The following RABGAP1 variants were observed in gnomAD, a reference collection of about 807,000 sequenced individuals.
RABGAP1 encodes the protein rab GTPase-activating protein 1.
A neutral mutation model predicts 137.6 loss-of-function variants in RABGAP1; 23 were observed. That is an observed-to-expected ratio of 0.17 (90% CI 0.12 to 0.24). The LOEUF (loss-of-function observed/expected upper bound fraction) is 0.24. RABGAP1 is among the 10% of genes least tolerant of loss of function. The probability of loss-of-function intolerance (pLI) is 1.00; values close to 1 mark genes in which losing one functional copy is unlikely to be tolerated. For missense variants in RABGAP1, 906 were observed against 1,275.8 expected (o/e 0.71, Z 4.42); for synonymous variants, 451 against 450.7 (o/e 1.00, Z -0.01).
chr9:123,038,198 T>G (rs2032768820), intron 13 of RABGAP1, among the ~76,000 whole-genome samples: 1 of 152,156 alleles, frequency 6.6e-6, no homozygotes, highest in Non-Finnish European at 1.5e-5. Flanking sequence ...GACACTAGAT[T>G]GGATATTTGC....
intron 19 of RABGAP1, among the ~76,000 whole-genome samples, chr9:123,087,168 G>A (rs536299903): frequency 6.6e-6 from 1 of 152,196 alleles, no homozygotes; most frequent in South Asian, 2.1e-4. Context: ...TTACTATGAG[G>A]GTGAGGCAGC....
intron 19 of RABGAP1, among the ~76,000 whole-genome samples, chr9:123,079,071 T>G (rs895778829): frequency 2.6e-5 from 4 of 152,194 alleles, no homozygotes; most frequent in African/African-American, 7.2e-5. Flanking sequence ...TTTTCCTCAC[T>G]GAGATATTGT....
intron 12 of RABGAP1, among the ~76,000 whole-genome samples, chr9:123,019,706 G>GTTTA (rs1564137313): frequency 6.9e-6 from 1 of 145,396 alleles, no homozygotes; most frequent in African/African-American, 2.6e-5. Context: ...TTGTTTGTTT[G>GTTTA]TTTTGAGACA....
chr9:122,998,155 A>G (rs1230436797), intron 9 of RABGAP1, among the ~76,000 whole-genome samples: 2 of 152,110 alleles, frequency 1.3e-5, no homozygotes, highest in African/African-American at 4.8e-5. Flanking sequence ...GCTGGAATGC[A>G]GTGGCACAAT....
intron 13 of RABGAP1, chr9:123,035,629 A>T (rs780057213): frequency 6.8e-7 from 1 of 1,468,818 alleles, no homozygotes; most frequent in South Asian, 1.2e-5. Context: ...TGGCTCAGTT[A>T]CGGGGTTCCC....
At chr9:123,102,089 G>A (rs2035362658) in intron 25 of RABGAP1, among the ~76,000 whole-genome samples, 1 of 152,148 alleles carries the variant, frequency 6.6e-6, no homozygotes, top group South Asian at 2.1e-4. Flanking sequence ...TACATCTCAG[G>A]TTCCTTATCT....
At chr9:122,962,846 T>G (rs1422636532) in intron 2 of RABGAP1, among the ~76,000 whole-genome samples, 1 of 152,190 alleles carries the variant, frequency 6.6e-6, no homozygotes, top group East Asian at 1.9e-4. Context: ...AGATATACTT[T>G]AGGTTTAGAG....
intron 2 of RABGAP1, among the ~76,000 whole-genome samples, chr9:122,978,719 T>C (rs1048154009): frequency 2.6e-5 from 4 of 152,200 alleles, no homozygotes; most frequent in African/African-American, 7.2e-5. Flanking sequence ...GTGAGTCATA[T>C]GGTAAGTGTA....
At chr9:122,986,488 C>T in intron 4 of RABGAP1, 69 bp downstream of exon 4, 1 of 1,469,832 alleles carries the variant, frequency 6.8e-7, no homozygotes, top group Non-Finnish European at 9.4e-7. Flanking sequence ...CAGAAAGAAG[C>T]AATAGTGAAT....
intron 2 of RABGAP1, among the ~76,000 whole-genome samples, chr9:122,981,100 C>T (rs1363733278): frequency 6.6e-6 from 1 of 152,112 alleles, no homozygotes; most frequent in African/African-American, 2.4e-5. Flanking sequence ...TGCAGTGGCG[C>T]GATCTTGGCT....
chr9:123,100,128 T>C (rs575762143), intron 24 of RABGAP1, among the ~76,000 whole-genome samples: 38 of 152,298 alleles, frequency 2.5e-4, no homozygotes, highest in Middle Eastern at 3.4e-3. Context: ...TTTAGAACTT[T>C]AATTGTTTAA....
intron 6 of RABGAP1, 191 bp downstream of exon 6, chr9:122,990,404 AAAAAT>A (rs1211642433): frequency 2.4e-6 from 1 of 421,278 alleles, no homozygotes; most frequent in African/African-American, 2.1e-5. Flanking sequence ...AAGCAATTAA[AAAAAT>A]TGTCATATTG....
At chr9:123,057,188 C>A (rs1421282659) in intron 13 of RABGAP1, among the ~76,000 whole-genome samples, 1 of 151,512 alleles carries the variant, frequency 6.6e-6, no homozygotes, top group African/African-American at 2.4e-5. Flanking sequence ...GGGTGGCTGC[C>A]GGGCGGAGAC....
At chr9:122,996,635 A>G (rs1201834458) in intron 8 of RABGAP1, 30 bp downstream of exon 8, 1 of 1,522,644 alleles carries the variant, frequency 6.6e-7, no homozygotes, top group Non-Finnish European at 9.0e-7. Context: ...AGAAAGTTAC[A>G]TACTATTTCC....
At chr9:123,016,472 A>G (rs2031237241) in intron 12 of RABGAP1, among the ~76,000 whole-genome samples, 1 of 152,182 alleles carries the variant, frequency 6.6e-6, no homozygotes, top group Admixed American at 6.5e-5. Flanking sequence ...GCACCACTGC[A>G]CTCCAGCCTG....
At chr9:122,942,388 A>G (rs569813143) in intron 1 of RABGAP1, among the ~76,000 whole-genome samples, 1 of 152,338 alleles carries the variant, frequency 6.6e-6, no homozygotes, top group South Asian at 2.1e-4. Context: ...TGAAAACTGA[A>G]AATAGGGGCC....
At chr9:122,944,104 T>C (rs1185770502) in intron 1 of RABGAP1, among the ~76,000 whole-genome samples, 1 of 152,202 alleles carries the variant, frequency 6.6e-6, no homozygotes, top group Non-Finnish European at 1.5e-5. Context: ...CAGGTGAGTA[T>C]CTTTGTAAAA....
intron 11 of RABGAP1, 118 bp from the exon 12 acceptor site, chr9:123,015,425 G>T (rs569415210): frequency 1.8e-6 from 1 of 560,852 alleles, no homozygotes; most frequent in Admixed American, 3.6e-5. Flanking sequence ...CTAAAAGAGA[G>T]AAATTATGAC....
chr9:122,945,645 AT>A (rs1833908650), intron 1 of RABGAP1, among the ~76,000 whole-genome samples: 1 of 152,208 alleles, frequency 6.6e-6, no homozygotes, highest in Non-Finnish European at 1.5e-5. Context: ...CATAGTTGTT[AT>A]GTATTTCCTG....
Sources: allele counts gnomAD v4.1 joint callset (sites outside exome capture counted in the v4.1 genomes callset), GRCh38; gene constraint gnomAD v4.1.1; transcripts MANE v1.5; gene names NCBI Gene and HGNC (gene_info 2026-07-23, HGNC 2026-07-21).